The following GNA13 variants were observed in gnomAD, a reference collection of about 807,000 sequenced individuals.
GNA13 encodes the protein guanine nucleotide-binding protein subunit alpha-13.
A neutral mutation model predicts 33.5 loss-of-function variants in GNA13; 4 were observed. The ratio of observed to expected loss-of-function variants is 0.12; its 90% confidence interval spans 0.06 to 0.27. GNA13 has a LOEUF of 0.27. GNA13 is among the 10% of genes least tolerant of loss of function. GNA13 has a pLI of 1.00. For synonymous variants in GNA13, 176 were observed against 183.8 expected (o/e 0.96, Z 0.34); for missense variants, 319 against 487.2 (o/e 0.65, Z 3.25).
intron 3 of GNA13, among the ~76,000 whole-genome samples, chr17:65,015,813 C>T (rs555127906): frequency 6.6e-6 from 1 of 152,162 alleles, no homozygotes; most frequent in Admixed American, 6.5e-5. Context: ...CTTAAAACTT[C>T]TATGTTTTCA....
At chr17:65,027,678 G>T (rs1474465436) in intron 2 of GNA13, among the ~76,000 whole-genome samples, 2 of 152,100 alleles carry the variant, frequency 1.3e-5, no homozygotes, top group Admixed American at 6.5e-5. Context: ...TTTGAAAAAA[G>T]TGAGTATCAC....
At chr17:65,035,585 G>C (rs1049117287) in intron 2 of GNA13, among the ~76,000 whole-genome samples, 1 of 152,168 alleles carries the variant, frequency 6.6e-6, no homozygotes, top group Non-Finnish European at 1.5e-5. Flanking sequence ...TCTGGAGCCT[G>C]TAAGTCATGA....
intron 2 of GNA13, among the ~76,000 whole-genome samples, chr17:65,037,290 G>T (rs1907281673): frequency 6.6e-6 from 1 of 152,158 alleles, no homozygotes; most frequent in South Asian, 2.1e-4. Flanking sequence ...CCAGAGGGTT[G>T]AAAGTACTGT....
At position 65,056,246 on chromosome 17, in the gene GNA13, C is replaced by T; in HGVS notation, c.283+65G>A. 3 of 1,031,286 alleles carry T rather than the reference C, an allele frequency of 2.9e-6. 1 individual carries two copies. Among genetic ancestry groups the T allele is most frequent in the East Asian group, 6.2e-5 (2 of 32,384 alleles). 63.9% of individuals were successfully genotyped at this position (1,031,286 alleles called of 1,614,324 possible). The stretch of plus-strand genomic sequence containing the variant: ...ACAGCGGACCAGGGCGGTGCCCCGC[C>T]CCGCACCCGCCGCCGCCCCAGCCCC... On this transcript the variant is annotated intron_variant, in intron 1 of 3. Transcript: ENST00000439174.
chr17:65,019,639 A>G (rs1298448822), intron 2 of GNA13, among the ~76,000 whole-genome samples: 1 of 152,186 alleles, frequency 6.6e-6, no homozygotes, highest in Non-Finnish European at 1.5e-5. Context: ...ACCCATGGAG[A>G]TAGAAAGAAG....
At chr17:65,028,039 T>C (rs902335376) in intron 2 of GNA13, among the ~76,000 whole-genome samples, 9 of 151,788 alleles carry the variant, frequency 5.9e-5, no homozygotes, top group Non-Finnish European at 1.0e-4. Context: ...GAGATCGAGC[T>C]CACGGTGAAA....
At chr17:65,021,153 G>C (rs1014185668) in intron 2 of GNA13, among the ~76,000 whole-genome samples, 1 of 152,138 alleles carries the variant, frequency 6.6e-6, no homozygotes, top group Non-Finnish European at 1.5e-5. Flanking sequence ...TAGCCTTGTG[G>C]ATATTTCAGT....
intron 2 of GNA13, among the ~76,000 whole-genome samples, chr17:65,028,049 A>T (rs991841554): frequency 2.6e-5 from 4 of 152,030 alleles, no homozygotes; most frequent in Non-Finnish European, 4.4e-5. Flanking sequence ...TCACGGTGAA[A>T]CCCCGTCTCT....
chr17:65,015,056 G>A (rs1426216202), intron 3 of GNA13, among the ~76,000 whole-genome samples: 2 of 151,870 alleles, frequency 1.3e-5, no homozygotes, highest in Non-Finnish European at 1.5e-5. Context: ...CGCTTGCGAA[G>A]CCAGGAGTTT....
intron 2 of GNA13, among the ~76,000 whole-genome samples, chr17:65,018,949 C>T (rs1192069723): frequency 1.3e-5 from 2 of 152,162 alleles, no homozygotes; most frequent in Admixed American, 1.3e-4. Context: ...AACATGAAAA[C>T]GCTTGACCAG....
At chr17:65,015,032 T>TGAGGCAGGAGGATCGCTTGCG (rs1906313887) in intron 3 of GNA13, among the ~76,000 whole-genome samples, 2 of 151,870 alleles carry the variant, frequency 1.3e-5, no homozygotes, top group Non-Finnish European at 2.9e-5. Context: ...TTTGGGAGGC[T>TGAGGCAGGAGGATCGCTTGCG]GAGGCAGGAG....
At chr17:65,056,254 C>CCCCCCCCCCCCCCCCCCCCCG in intron 1 of GNA13, 57 bp downstream of exon 1, 3 of 1,118,670 alleles carry the variant, frequency 2.7e-6, no homozygotes, top group Non-Finnish European at 2.5e-6. Flanking sequence ...GCCCCGCACC[C>CCCCCCCCCCCCCCCCCCCCCG]GCCGCCGCCC....
intron 2 of GNA13, among the ~76,000 whole-genome samples, chr17:65,035,035 T>C (rs1247866020): frequency 6.6e-6 from 1 of 152,234 alleles, no homozygotes; most frequent in Non-Finnish European, 1.5e-5. Context: ...TCCACCCGCC[T>C]TGGCCTCCCA....
chr17:65,014,284 G>A lies in GNA13; in HGVS notation c.1107C>T (p.Asp369=), dbSNP rs1906287508. ...ACTGTAGCATAAGCTGCTTGAGGTT[G>A]TCATGCAGAATAGTATCCTTCACGT... is the stretch of plus-strand genomic sequence containing the variant. The part of the protein sequence containing the change: ...FRDVKDTILH[D]NLKQLMLQ Residue 369 remains aspartate, a synonymous_variant, in exon 4 of 4, where the codon GAC becomes GAT. Coordinates refer to ENST00000439174, the MANE Select transcript of GNA13 (RefSeq NM_006572.6). The surrounding 1 kb of genome is among the most constrained non-coding windows in gnomAD (Gnocchi z 5.3). 6.2e-7 allele frequency: 1 copy of A among 1,605,494 alleles called. No homozygotes were observed. The highest frequency in any genetic ancestry group is 1.3e-5 in the African/African-American group (1 of 74,762).
At chr17:65,033,761 T>A (rs1398871041) in intron 2 of GNA13, among the ~76,000 whole-genome samples, 1 of 152,110 alleles carries the variant, frequency 6.6e-6, no homozygotes, top group Non-Finnish European at 1.5e-5. Flanking sequence ...ACACCTGTGA[T>A]CCCAACACTT....
chr17:65,053,785 A>G lies in GNA13; in HGVS notation c.284-57T>C, dbSNP rs1907941946. On this transcript the variant is annotated intron_variant, in intron 1 of 3. Coordinates refer to ENST00000439174, the MANE Select transcript of GNA13 (RefSeq NM_006572.6). Reference sequence around the variant, plus strand: ...GAGAGGAGTCATTACATATTATCATAAGTTTTTATTCCAGTATTATTTCCT... The same window carrying G: ...GAGAGGAGTCATTACATATTATCATGAGTTTTTATTCCAGTATTATTTCCT... 6 of 1,075,562 alleles carry G rather than the reference A, an allele frequency of 5.6e-6. No homozygotes were observed. The East Asian group carries it at 1.4e-4, about 25-fold the overall frequency. 66.6% of individuals were successfully genotyped at this position (1,075,562 alleles called of 1,614,324 possible). A position where few individuals can be genotyped will look rare whatever the true frequency, so the allele number is the denominator to read the frequency against.
In GNA13 at chr17:65,013,299, T is replaced by C. The variant is rs565901599; in HGVS notation, c.*958A>G. On this transcript the variant is annotated 3_prime_UTR_variant, in exon 4 of 4. Transcript: ENST00000439174. ...TGGGACTGGACAGGACAGCAAAAGA[T>C]AGATGTTTGTGATGATACAACAATG... 2.9e-5 allele frequency: 6 copies of C among 208,112 alleles called. No individual in the cohort carries two copies. Among genetic ancestry groups the C allele is most frequent in the South Asian group, 3.8e-4 (2 of 5,314 alleles). 12.9% of individuals were successfully genotyped at this position (208,112 alleles called of 1,614,324 possible). A position where few individuals can be genotyped will look rare whatever the true frequency, so the allele number is the denominator to read the frequency against.
chr17:65,048,953 T>C (rs1300502461), intron 2 of GNA13, among the ~76,000 whole-genome samples: 1 of 152,152 alleles, frequency 6.6e-6, no homozygotes, highest in African/African-American at 2.4e-5. Flanking sequence ...TTCAAAAATA[T>C]GCTGCTAAAC....
rs561872420 is a variant in GNA13, at chr17:65,047,710, T to C, written c.510+5792A>G. 7.9e-5 allele frequency among the ~76,000 whole-genome samples: 12 copies of C among 152,064 alleles called. 1 individual carries two copies. In the South Asian group the frequency reaches 1.9e-3, roughly 24 times the overall value. ...GGCTGTCCTCACTATGTTGCCCACATTGGACTTGAACTCTTGAGGTCAAGC... is the reference window on the plus strand; with the variant it reads ...GGCTGTCCTCACTATGTTGCCCACACTGGACTTGAACTCTTGAGGTCAAGC... On this transcript the variant is annotated intron_variant, in intron 2 of 3. Coordinates refer to ENST00000439174, the MANE Select transcript of GNA13 (RefSeq NM_006572.6).
Sources: gnomAD v4.1 joint callset for allele counts (sites outside exome capture counted in the v4.1 genomes callset) on GRCh38, gnomAD v4.1.1 for gene constraint, Gnocchi (gnomAD v3.1) non-coding constraint, MANE v1.5 for transcripts, NCBI Gene and HGNC (gene_info 2026-07-23, HGNC 2026-07-21) for gene names.